Variants in ARPC2 observed in about 807,000 individuals in gnomAD.
The protein encoded by ARPC2 is actin-related protein 2/3 complex subunit 2.
Under a neutral mutation model 38.6 loss-of-function variants are expected in ARPC2, and 4 were observed. The ratio of observed to expected loss-of-function variants is 0.10; its 90% CI spans 0.05 to 0.24. The LOEUF is 0.24. Ranked by LOEUF, ARPC2 falls within the 10% of genes least tolerant of loss-of-function variation. ARPC2 has a pLI of 1.00. For missense variants in ARPC2, 229 were observed against 387.3 expected (o/e 0.59, Z 3.43); for synonymous variants, 125 against 140.8 (o/e 0.89, Z 0.79).
chr2:218,229,945 AAAC>A (rs1689590535), intron 4 of ARPC2, among the ~76,000 whole-genome samples: 1 of 152,186 alleles, frequency 6.6e-6, no homozygotes, highest in Non-Finnish European at 1.5e-5. Context: ...GAGTGAAAGA[AAAC>A]AAATGGCTAT....
At chr2:218,230,241 A>G (rs1689597619) in intron 4 of ARPC2, among the ~76,000 whole-genome samples, 1 of 150,076 alleles carries the variant, frequency 6.7e-6, no homozygotes, top group South Asian at 2.1e-4. Context: ...CACAGTGCTA[A>G]GATTGCAGGT....
chr2:218,228,972 G>A (rs1368512949), intron 4 of ARPC2, 122 bp downstream of exon 4: 1 of 615,586 alleles, frequency 1.6e-6, no homozygotes, highest in African/African-American at 1.9e-5. Flanking sequence ...ACCTAACTAG[G>A]GGCTCTTGAC....
chr2:218,223,346 T>A (rs983022169), intron 2 of ARPC2, among the ~76,000 whole-genome samples: 5 of 152,376 alleles, frequency 3.3e-5, no homozygotes, highest in Middle Eastern at 3.4e-3. Flanking sequence ...TCAGATTGAC[T>A]GTCACAGCAT....
At chr2:218,235,030 C>G in intron 5 of ARPC2, 1 of 339,392 alleles carries the variant, frequency 2.9e-6, no homozygotes, top group South Asian at 2.3e-5. Flanking sequence ...AGCAGGACCC[C>G]AAAGTGAGAA....
At chr2:218,244,642 G>A (rs929960843) in intron 7 of ARPC2, among the ~76,000 whole-genome samples, 2 of 152,220 alleles carry the variant, frequency 1.3e-5, no homozygotes, top group Non-Finnish European at 2.9e-5. Context: ...ACCTGCCTGG[G>A]TTTGTTGGAG....
Position 218,238,730 on chromosome 2 carries a change from A to G in ARPC2, c.335A>G (p.Gln112Arg). Reference sequence around the variant, plus strand: ...GCATCCAAGGATTCCATTGTGCATCAAGCTGGCATGTTGAAGCGAAATTGT... The same window carrying G: ...GCATCCAAGGATTCCATTGTGCATCGAGCTGGCATGTTGAAGCGAAATTGT... Reference protein sequence around the residue: ...LPASKDSIVHQAGMLKRNCFA... With the variant: ...LPASKDSIVHRAGMLKRNCFA... Residue 112 changes from glutamine (Q) to arginine (R), a missense_variant, in exon 6 of 11, where the codon CAA (glutamine) becomes CGA (arginine). Gln to Arg is a conservative substitution (Grantham distance 43, BLOSUM62 1). Coordinates refer to ENST00000315717, the MANE Select transcript of ARPC2 (RefSeq NM_152862.3). The G allele has an allele frequency of 6.2e-7, 1 of 1,613,876 alleles. No individual in the cohort carries two copies. The highest frequency in any genetic ancestry group is 1.6e-4 in the Middle Eastern group (1 of 6,062).
chr2:218,247,350 C>T (rs1193253407), intron 8 of ARPC2, among the ~76,000 whole-genome samples: 2 of 152,242 alleles, frequency 1.3e-5, no homozygotes, highest in African/African-American at 2.4e-5. Flanking sequence ...GTTCACACTG[C>T]ACCCAATGCC....
chr2:218,246,829 G>C (rs893643200), intron 8 of ARPC2, among the ~76,000 whole-genome samples: 1 of 152,044 alleles, frequency 6.6e-6, no homozygotes, highest in Non-Finnish European at 1.5e-5. Context: ...AAATTAGTTG[G>C]ACATGGTGAC....
intron 8 of ARPC2, among the ~76,000 whole-genome samples, chr2:218,248,485 G>C (rs1690100198): frequency 6.6e-6 from 1 of 152,144 alleles, no homozygotes; most frequent in Admixed American, 6.5e-5. Context: ...TTTTGAGATG[G>C]AGTCTTGCTC....
At chr2:218,251,714 A>G (rs1690196283) in intron 10 of ARPC2, among the ~76,000 whole-genome samples, 1 of 152,028 alleles carries the variant, frequency 6.6e-6, no homozygotes. Flanking sequence ...CAGCCTCCCA[A>G]AGTGTTGGGA....
At chr2:218,240,811 T>C (rs990982274) in intron 7 of ARPC2, among the ~76,000 whole-genome samples, 11 of 152,072 alleles carry the variant, frequency 7.2e-5, no homozygotes, top group African/African-American at 2.2e-4. Context: ...GAGAATCTCT[T>C]GAACCTGGGA....
chr2:218,240,084 A>G (rs1689876178), intron 7 of ARPC2, among the ~76,000 whole-genome samples: 1 of 151,356 alleles, frequency 6.6e-6, no homozygotes. Context: ...CCTCCCAAGT[A>G]GCTGGGATTA....
chr2:218,225,273 G>A (rs948825322), intron 2 of ARPC2, among the ~76,000 whole-genome samples: 2 of 152,158 alleles, frequency 1.3e-5, no homozygotes, highest in African/African-American at 2.4e-5. Context: ...TGATTTCATA[G>A]TGTTATTTTG....
rs769461943 is a variant in ARPC2, at chr2:218,217,491, C to A, written c.21C>A (p.Asn7Lys). 1.6e-5 allele frequency: 26 copies of A among 1,613,836 alleles called. No homozygotes were observed. Among genetic ancestry groups the A allele is most frequent in the Admixed American group, 6.7e-5 (4 of 60,002 alleles). The change falls in exon 2 of 11, where the codon AAC becomes AAA. Residue 7 changes from asparagine to lysine, a missense_variant. Physicochemically the swap from Asn to Lys is moderately conservative, Grantham distance 94. Around this residue, in one of 3 missense-constraint regions of ARPC2, gnomAD observed 135 missense variants for 214.1 expected, o/e 0.63. Coordinates refer to ENST00000315717, the MANE Select transcript of ARPC2 (RefSeq NM_152862.3). ...CCGCCATGATCCTGCTGGAGGTGAACAACCGCATCATCGAGGAGACGCTCG... is the reference window on the plus strand; with the variant it reads ...CCGCCATGATCCTGCTGGAGGTGAAAAACCGCATCATCGAGGAGACGCTCG... MILLEVNNRIIEETLAL... is the reference protein window; with the variant it reads MILLEVKNRIIEETLAL...
chr2:218,234,044 C>G (rs1211931737), intron 4 of ARPC2: 1 of 208,836 alleles, frequency 4.8e-6, no homozygotes, highest in Non-Finnish European at 9.5e-6. Flanking sequence ...TGGCGCATGC[C>G]TATAATCCCA....
At position 218,239,374 on chromosome 2, in the gene ARPC2, G is replaced by GAA; in HGVS notation, c.456-16_456-15insAA. ...TTCTGATTCTGTACTTATCCTCATG[G>GAA]ATTTTGTTCCTCTCAGGTATGTTGA... On this transcript the variant is annotated splice_polypyrimidine_tract_variant and intron_variant, in intron 6 of 10. Coordinates refer to ENST00000315717, the MANE Select transcript of ARPC2 (RefSeq NM_152862.3). 1 of 1,579,106 alleles carries GAA rather than the reference G, an allele frequency of 6.3e-7. No individual in the cohort carries two copies. The highest frequency in any genetic ancestry group is 8.7e-7 in the Non-Finnish European group (1 of 1,148,460).
intron 2 of ARPC2, among the ~76,000 whole-genome samples, chr2:218,224,521 G>A (rs1429776116): frequency 1.3e-5 from 2 of 152,184 alleles, no homozygotes; most frequent in African/African-American, 4.8e-5. Context: ...TTCTAGAGGT[G>A]AGGAATGGTA....
intron 5 of ARPC2, among the ~76,000 whole-genome samples, chr2:218,238,081 T>G (rs1490024424): frequency 6.6e-6 from 1 of 152,212 alleles, no homozygotes; most frequent in African/African-American, 2.4e-5. Context: ...GTTTTAAAAA[T>G]TGTACAATAT....
rs1195287126 is a variant in ARPC2, at chr2:218,234,240, A to C, written c.223-112A>C. The C allele has an allele frequency of 1.0e-5, 8 of 779,158 alleles. No individual in the cohort carries two copies. The East Asian group carries it at 1.9e-4, about 19-fold the overall frequency. 48.3% of individuals were successfully genotyped at this position (779,158 alleles called of 1,614,324 possible). A position where few individuals can be genotyped will look rare whatever the true frequency, so the allele number is the denominator to read the frequency against. On this transcript the variant is annotated intron_variant, in intron 4 of 10. Coordinates refer to ENST00000315717, the MANE Select transcript of ARPC2 (RefSeq NM_152862.3). ...CTTTCCCATCCACCAAATGAAAGTT[A>C]GGAAGAATGCCAACTTAGGAAGAGC...
Sources: allele counts gnomAD v4.1 joint callset (sites outside exome capture counted in the v4.1 genomes callset), GRCh38; gene constraint gnomAD v4.1.1; regional missense constraint gnomAD v4.1.1; transcripts MANE v1.5; gene names NCBI Gene and HGNC (gene_info 2026-07-23, HGNC 2026-07-21).